Variants in UGT1A3 observed in about 807,000 individuals in gnomAD.
UGT1A3 encodes the protein UDP glucuronosyltransferase family 1 member A3.
In UGT1A3, 31 loss-of-function variants were observed where a neutral mutation model predicts 41.0. The observed-to-expected ratio is 0.76, with a 90% CI of 0.57 to 1.02. The LOEUF is 1.02. Ranked by LOEUF, UGT1A3 falls within the 50% of genes least tolerant of loss-of-function variation. The pLI, the probability that UGT1A3 is intolerant of heterozygous loss-of-function variation, is 0.00. For synonymous variants in UGT1A3, 262 were observed against 257.6 expected (o/e 1.02, Z -0.17); for missense variants, 737 against 671.0 (o/e 1.10, Z -1.09).
chr2:233,768,483 T>A (rs373208475), intron 4 of UGT1A3, 44 bp downstream of exon 4: 16 of 1,586,602 alleles, frequency 1.0e-5, no homozygotes, highest in Non-Finnish European at 1.4e-5. Flanking sequence ...ATGGCATTCA[T>A]GATAAAATTG....
chr2:233,744,110 C>T, intron 1 of UGT1A3: 1 of 393,860 alleles, frequency 2.5e-6, no homozygotes, highest in Non-Finnish European at 4.6e-6. Flanking sequence ...ACTGGCCCTG[C>T]TCTCTGTGAG....
At chr2:233,748,200 T>A (rs1186439065) in intron 1 of UGT1A3, 1 of 1,532,446 alleles carries the variant, frequency 6.5e-7, no homozygotes, top group Non-Finnish European at 8.8e-7. Flanking sequence ...CTGCTTGTCG[T>A]AATAGCCTTC....
chr2:233,760,714 A>G, intron 1 of UGT1A3: 1 of 1,614,210 alleles, frequency 6.2e-7, no homozygotes, highest in Non-Finnish European at 8.5e-7. Flanking sequence ...CCTGGCAGAA[A>G]GCAGCTTTGA....
intron 1 of UGT1A3, among the ~76,000 whole-genome samples, chr2:233,744,984 T>A (rs1359972608): frequency 1.3e-5 from 2 of 151,892 alleles, no homozygotes; most frequent in Non-Finnish European, 2.9e-5. Flanking sequence ...CCTCTAGTCA[T>A]CTCTTGATTA....
intron 1 of UGT1A3, among the ~76,000 whole-genome samples, chr2:233,766,000 G>A (rs1299002153): frequency 1.3e-5 from 2 of 152,106 alleles, no homozygotes; most frequent in African/African-American, 2.4e-5. Context: ...TCCAGTGGGC[G>A]TGGGTTATGG....
chr2:233,772,363 A>G lies in UGT1A3; in HGVS notation c.1409A>G (p.Lys470Arg). 1 of 1,614,238 alleles carries G rather than the reference A, an allele frequency of 6.2e-7. No homozygotes were observed. Among genetic ancestry groups the G allele is most frequent in the Non-Finnish European group, 8.5e-7 (1 of 1,180,044 alleles). Residue 470 changes from lysine to arginine, a missense_variant, in exon 5 of 5, where the codon AAG (lysine) becomes AGG (arginine). By Grantham distance (26) the Lys-to-Arg change is conservative. Coordinates refer to ENST00000482026, the MANE Select transcript of UGT1A3 (RefSeq NM_019093.4). ...TGGGTGGAGTTTGTGATGAGGCACA[A>G]GGGCGCGCCACACCTGCGCCCCGCA... Reference protein sequence around the residue: ...VFWVEFVMRHKGAPHLRPAAH... With the variant: ...VFWVEFVMRHRGAPHLRPAAH...
chr2:233,754,865 T>C, intron 1 of UGT1A3: 1 of 1,351,074 alleles, frequency 7.4e-7, no homozygotes, highest in Non-Finnish European at 9.9e-7. Flanking sequence ...GTGCAGACCC[T>C]CTGCTTCTGC....
chr2:233,753,085 C>T (rs1365560580), intron 1 of UGT1A3: 1 of 152,188 alleles, frequency 6.6e-6, no homozygotes, highest in Non-Finnish European at 1.5e-5. Flanking sequence ...CCTTTTATTC[C>T]TGAACGGCTC....
At chr2:233,756,155 A>G (rs1696135469) in intron 1 of UGT1A3, 2 of 152,312 alleles carry the variant, frequency 1.3e-5, no homozygotes, top group South Asian at 4.1e-4. Context: ...GATCCCTAGG[A>G]TTTCCTGGCT....
At chr2:233,748,529 G>A (rs1353260497) in intron 1 of UGT1A3, among the ~76,000 whole-genome samples, 1 of 151,782 alleles carries the variant, frequency 6.6e-6, no homozygotes, top group Non-Finnish European at 1.5e-5. Context: ...ATGATAGAGA[G>A]GTGACCACAG....
At chr2:233,732,709 C>G (rs540969589) in intron 1 of UGT1A3, among the ~76,000 whole-genome samples, 1 of 150,878 alleles carries the variant, frequency 6.6e-6, no homozygotes, top group African/African-American at 2.4e-5. Context: ...GTTACTGTAG[C>G]CTTGTAGTAC....
intron 1 of UGT1A3, chr2:233,744,035 C>T (rs367793428): frequency 5.3e-5 from 42 of 799,694 alleles, no homozygotes; most frequent in Admixed American, 1.0e-4. Flanking sequence ...CCCCTTATGA[C>T]GCAGCCACAT....
In UGT1A3 at chr2:233,744,645, G is replaced by A. The variant is rs1382975794; in HGVS notation, c.867+14652G>A. 2.0e-5 allele frequency among the ~76,000 whole-genome samples: 3 copies of A among 151,982 alleles called. No homozygotes were observed. In the East Asian group the frequency reaches 5.8e-4, roughly 29 times the overall value. Reference sequence around the variant, plus strand: ...GAGGTGGATTCTCATGTCAGCTTCTGTATTCAATCTACTGTGATATTACAC... The same window carrying A: ...GAGGTGGATTCTCATGTCAGCTTCTATATTCAATCTACTGTGATATTACAC... On this transcript the variant is annotated intron_variant, in intron 1 of 4. Coordinates refer to ENST00000482026, the MANE Select transcript of UGT1A3 (RefSeq NM_019093.4).
At chr2:233,750,199 CA>C (rs1448966489) in intron 1 of UGT1A3, among the ~76,000 whole-genome samples, 1 of 151,826 alleles carries the variant, frequency 6.6e-6, no homozygotes, top group Non-Finnish European at 1.5e-5. Flanking sequence ...CAATGAAGTC[CA>C]GGCTGAGTCT....
chr2:233,767,705 C>T, intron 2 of UGT1A3, 144 bp from the exon 3 acceptor site: 1 of 1,520,160 alleles, frequency 6.6e-7, no homozygotes, highest in Non-Finnish European at 8.8e-7. Context: ...TGCCAGTCCT[C>T]AGAAGCCTTC....
chr2:233,754,088 A>G (rs1438865323), intron 1 of UGT1A3, among the ~76,000 whole-genome samples: 2 of 152,224 alleles, frequency 1.3e-5, no homozygotes, highest in Non-Finnish European at 2.9e-5. Context: ...TTTTATCTAA[A>G]TAATGGTCAA....
At chr2:233,760,122 C>A (rs535497865) in intron 1 of UGT1A3, 1 of 1,292,030 alleles carries the variant, frequency 7.7e-7, no homozygotes, top group East Asian at 2.5e-5. Flanking sequence ...TAATAAAGCT[C>A]CACCTTCTTT....
intron 1 of UGT1A3, chr2:233,755,330 C>T (rs1695864854): frequency 6.5e-6 from 3 of 463,614 alleles, no homozygotes; most frequent in East Asian, 7.0e-5. Context: ...TGCCAGCACC[C>T]GCGCACAGGT....
intron 1 of UGT1A3, among the ~76,000 whole-genome samples, chr2:233,766,114 G>A (rs1214540183): frequency 6.6e-6 from 1 of 152,178 alleles, no homozygotes; most frequent in Non-Finnish European, 1.5e-5. Flanking sequence ...CTGGGGGCTT[G>A]CCTTGGTGTA....
Sources: allele counts gnomAD v4.1 joint callset (sites outside exome capture counted in the v4.1 genomes callset), GRCh38; gene constraint gnomAD v4.1.1; transcripts MANE v1.5; gene names NCBI Gene and HGNC (gene_info 2026-07-23, HGNC 2026-07-21).